Variants in HS6ST3 observed in about 807,000 individuals in gnomAD.
The protein encoded by HS6ST3 is heparan-sulfate 6-O-sulfotransferase 3.
HS6ST3 carries 12 observed loss-of-function variants against 36.7 expected under a neutral mutation model. That is an observed-to-expected ratio of 0.33 (90% confidence interval 0.21 to 0.53). The LOEUF is 0.53. Ranked by LOEUF, HS6ST3 falls within the 20% of genes least tolerant of loss-of-function variation. The pLI, the probability that HS6ST3 is intolerant of heterozygous loss-of-function variation, is 0.95. For synonymous variants in HS6ST3, 240 were observed against 257.5 expected (o/e 0.93, Z 0.65); for missense variants, 584 against 640.9 (o/e 0.91, Z 0.96).
At chr13:96,245,288 T>C (rs1010495040) in intron 1 of HS6ST3, among the ~76,000 whole-genome samples, 2 of 152,124 alleles carry the variant, frequency 1.3e-5, no homozygotes, top group Non-Finnish European at 2.9e-5. Context: ...GGGTAGAGCA[T>C]TAAGACTGCA....
intron 1 of HS6ST3, among the ~76,000 whole-genome samples, chr13:96,485,344 C>G (rs2055908974): frequency 6.6e-6 from 1 of 151,722 alleles, no homozygotes; most frequent in South Asian, 2.1e-4. Flanking sequence ...TTTTAGGGTG[C>G]TAAGGTAAAT....
chr13:96,529,641 A>T (rs983286943), intron 1 of HS6ST3, among the ~76,000 whole-genome samples: 1 of 152,110 alleles, frequency 6.6e-6, no homozygotes, highest in African/African-American at 2.4e-5. Context: ...CATAGCCATT[A>T]TTCTCAAGTT....
intron 1 of HS6ST3, among the ~76,000 whole-genome samples, chr13:96,277,144 T>C (rs943838162): frequency 6.6e-6 from 1 of 152,216 alleles, no homozygotes. Flanking sequence ...TAAGTTGTTT[T>C]CTTTCTGGGA....
intron 1 of HS6ST3, among the ~76,000 whole-genome samples, chr13:96,105,982 A>T (rs2053839752): frequency 6.6e-6 from 1 of 152,232 alleles, no homozygotes; most frequent in Admixed American, 6.5e-5. Context: ...TGCAGTAATG[A>T]ACAAGGCAGG....
chr13:96,572,722 T>C (rs1351235168), intron 1 of HS6ST3, among the ~76,000 whole-genome samples: 1 of 152,128 alleles, frequency 6.6e-6, no homozygotes, highest in Non-Finnish European at 1.5e-5. Context: ...AACTTTTAAC[T>C]CTAAAGCCTA....
chr13:96,433,534 G>GCACA (rs112591545), intron 1 of HS6ST3, among the ~76,000 whole-genome samples: 6 of 152,300 alleles, frequency 3.9e-5, no homozygotes, highest in African/African-American at 1.4e-4. Flanking sequence ...GAGTTCTTCT[G>GCACA]CACATGCTCT....
At chr13:96,744,097 T>G (rs1876505779) in intron 1 of HS6ST3, among the ~76,000 whole-genome samples, 1 of 152,078 alleles carries the variant, frequency 6.6e-6, no homozygotes, top group African/African-American at 2.4e-5. Flanking sequence ...GTTAAACATG[T>G]AAAATGTGAG....
chr13:96,686,422 C>T (rs485297), intron 1 of HS6ST3, among the ~76,000 whole-genome samples: 150,744 of 152,134 alleles, frequency 0.99, 74,697 homozygotes, highest in Middle Eastern at 1. Flanking sequence ...TAAAAAAGTG[C>T]CTTGAATTAT....
chr13:96,581,704 C>T (rs756036019), intron 1 of HS6ST3, among the ~76,000 whole-genome samples: 3 of 151,938 alleles, frequency 2.0e-5, no homozygotes, highest in Non-Finnish European at 4.4e-5. Flanking sequence ...AATGTTGATA[C>T]AAAAGCAATT....
chr13:96,639,918 T>G (rs2056564268), intron 1 of HS6ST3, among the ~76,000 whole-genome samples: 1 of 152,056 alleles, frequency 6.6e-6, no homozygotes, highest in South Asian at 2.1e-4. Context: ...GTAGTTTTAG[T>G]ATTCCATGAC....
At chr13:96,692,538 T>G (rs2138446163) in intron 1 of HS6ST3, among the ~76,000 whole-genome samples, 1 of 152,236 alleles carries the variant, frequency 6.6e-6, no homozygotes, top group South Asian at 2.1e-4. Flanking sequence ...CCCAAATCTG[T>G]TAGGAACTTT....
intron 1 of HS6ST3, among the ~76,000 whole-genome samples, chr13:96,360,568 C>G (rs957709961): frequency 6.6e-6 from 1 of 151,020 alleles, no homozygotes; most frequent in Non-Finnish European, 1.5e-5. Context: ...TCTATTGATA[C>G]CAAGGTAGAA....
chr13:96,177,293 A>G (rs186860312), intron 1 of HS6ST3, among the ~76,000 whole-genome samples: 2 of 152,318 alleles, frequency 1.3e-5, no homozygotes, highest in East Asian at 1.9e-4. Flanking sequence ...ATTAATGTAA[A>G]TCATTCTACC....
chr13:96,707,501 A>G (rs1047207038), intron 1 of HS6ST3, among the ~76,000 whole-genome samples: 1 of 152,226 alleles, frequency 6.6e-6, no homozygotes, highest in African/African-American at 2.4e-5. Flanking sequence ...GTATCTCTGT[A>G]TCAGTATCTC....
chr13:96,243,403 G>A (rs575033452), intron 1 of HS6ST3, among the ~76,000 whole-genome samples: 2 of 152,270 alleles, frequency 1.3e-5, no homozygotes, highest in South Asian at 4.1e-4. Context: ...TCAGAGTAAT[G>A]CCCAGCCTAG....
intron 1 of HS6ST3, among the ~76,000 whole-genome samples, chr13:96,310,438 A>G (rs906345474): frequency 3.3e-5 from 5 of 152,154 alleles, no homozygotes; most frequent in African/African-American, 1.2e-4. Flanking sequence ...TTTTGGATAC[A>G]GGTAGAAAGT....
intron 1 of HS6ST3, among the ~76,000 whole-genome samples, chr13:96,661,840 C>A (rs901214744): frequency 2.6e-5 from 4 of 152,016 alleles, no homozygotes; most frequent in African/African-American, 9.7e-5. Context: ...CTTTATTTAT[C>A]TTTTATTTTT....
chr13:96,825,218 T>G (rs1878623560), intron 1 of HS6ST3, among the ~76,000 whole-genome samples: 1 of 152,160 alleles, frequency 6.6e-6, no homozygotes, highest in South Asian at 2.1e-4. Context: ...CATTATGAAG[T>G]TCTTTCAAGT....
chr13:96,650,825 A>G (rs2056604741), intron 1 of HS6ST3, among the ~76,000 whole-genome samples: 2 of 152,202 alleles, frequency 1.3e-5, no homozygotes, highest in Admixed American at 6.5e-5. Context: ...TAGTAAAACT[A>G]TATAATACAA....
Sources: allele counts gnomAD v4.1 joint callset (sites outside exome capture counted in the v4.1 genomes callset), GRCh38; gene constraint gnomAD v4.1.1; transcripts MANE v1.5; gene names NCBI Gene and HGNC (gene_info 2026-07-23, HGNC 2026-07-21).